The following AHI1 variants were observed in gnomAD, a reference collection of about 807,000 sequenced individuals.
AHI1 encodes Abelson helper integration site 1, also known as jouberin.
A neutral mutation model predicts 149.3 loss-of-function variants in AHI1; 123 were observed. The ratio of observed to expected loss-of-function variants is 0.82; its 90% confidence interval spans 0.71 to 0.96. The LOEUF is 0.96. Ranked by LOEUF, AHI1 falls within the 40% of genes least tolerant of loss-of-function variation. The pLI is 0.00. For synonymous variants in AHI1, 475 were observed against 459.8 expected (o/e 1.03, Z -0.42); for missense variants, 1,439 against 1,422.7 (o/e 1.01, Z -0.18).
chr6:135,454,666 A>G (rs1411412233), intron 10 of AHI1, among the ~76,000 whole-genome samples: 1 of 152,242 alleles, frequency 6.6e-6, no homozygotes, highest in African/African-American at 2.4e-5. Context: ...AACATATTAC[A>G]TTAAAACTTA....
intron 23 of AHI1, among the ~76,000 whole-genome samples, chr6:135,393,507 G>A (rs1375254929): frequency 2.0e-5 from 3 of 152,020 alleles, no homozygotes; most frequent in African/African-American, 7.2e-5. Flanking sequence ...GCCAAGCCAA[G>A]TATCTATTTA....
In AHI1 at chr6:135,453,307, G is replaced by A. The variant is rs769648730; in HGVS notation, c.1440+34C>T. ...AGCAGCCAACTAAATTTGAAGACTA[G>A]TTTTAAAGTGTTTAAAATGGATGAA... is the stretch of plus-strand genomic sequence containing the variant. On this transcript the variant is annotated intron_variant, in intron 11 of 28. Coordinates refer to ENST00000265602, the MANE Select transcript of AHI1 (RefSeq NM_001134831.2). 2.7e-6 allele frequency: 4 copies of A among 1,483,664 alleles called. No individual in the cohort carries two copies. In the South Asian group the frequency reaches 3.6e-5, roughly 14 times the overall value. The allele number at this position is 1,483,664 out of a possible 1,614,324, so 91.9% of individuals were successfully genotyped here.
intron 23 of AHI1, among the ~76,000 whole-genome samples, chr6:135,393,887 C>G (rs1778860231): frequency 6.6e-6 from 1 of 151,998 alleles, no homozygotes; most frequent in African/African-American, 2.4e-5. Flanking sequence ...ATAAAAGGCA[C>G]AGCCAGGGTT....
chr6:135,370,373 C>G (rs1476955231), intron 23 of AHI1, among the ~76,000 whole-genome samples: 4 of 152,214 alleles, frequency 2.6e-5, no homozygotes, highest in African/African-American at 9.7e-5. Flanking sequence ...TCCCAGTTTC[C>G]TGTCAGTGCT....
intron 8 of AHI1, among the ~76,000 whole-genome samples, chr6:135,460,348 C>A (rs78209071): frequency 2.0e-5 from 3 of 152,018 alleles, no homozygotes; most frequent in African/African-American, 7.3e-5. Context: ...CATCAAATCC[C>A]AGGAATAAAT....
chr6:135,454,422 T>C (rs995222407), intron 10 of AHI1, among the ~76,000 whole-genome samples: 1 of 152,182 alleles, frequency 6.6e-6, no homozygotes. Flanking sequence ...TTATAACTTA[T>C]TTAACCAAAT....
intron 23 of AHI1, among the ~76,000 whole-genome samples, chr6:135,381,539 T>C (rs1025542020): frequency 1.3e-5 from 2 of 152,194 alleles, no homozygotes; most frequent in African/African-American, 2.4e-5. Flanking sequence ...TTGTGACACA[T>C]GAGCCTTACA....
At chr6:135,414,782 C>A (rs2614292) in intron 20 of AHI1, among the ~76,000 whole-genome samples, 126,089 of 151,842 alleles carry the variant, frequency 0.83, 54,698 homozygotes, top group East Asian at 0.97. Context: ...AAAAGATTGG[C>A]CATTTCTTTT....
chr6:135,497,427 C>T (rs925305101), intron 1 of AHI1, among the ~76,000 whole-genome samples, 156 bp downstream of exon 1: 2 of 152,196 alleles, frequency 1.3e-5, no homozygotes, highest in African/African-American at 4.8e-5. Flanking sequence ...AAATCGCATT[C>T]CCCCGGGACA....
chr6:135,456,028 T>C (rs1344704000), intron 9 of AHI1, 102 bp from the exon 10 acceptor site: 1 of 728,406 alleles, frequency 1.4e-6, no homozygotes, highest in Admixed American at 3.9e-5. Flanking sequence ...TAATGAATAG[T>C]CATAATAATA....
At chr6:135,327,308 G>A (rs1024105270) in intron 24 of AHI1, among the ~76,000 whole-genome samples, 2 of 152,154 alleles carry the variant, frequency 1.3e-5, no homozygotes, top group African/African-American at 2.4e-5. Context: ...TTACAGAACC[G>A]TTTTCCACAC....
At chr6:135,430,356 A>C (rs1179383189) in intron 17 of AHI1, among the ~76,000 whole-genome samples, 1 of 151,910 alleles carries the variant, frequency 6.6e-6, no homozygotes, top group Non-Finnish European at 1.5e-5. Flanking sequence ...ATTTTTATAA[A>C]TTCAAAACCA....
chr6:135,382,606 T>C lies in AHI1; in HGVS notation c.3109+12170A>G, dbSNP rs112041746. Among the ~76,000 whole-genome samples the C allele has an allele frequency of 9.4e-3, 1,427 of 152,238 alleles. 20 individuals are homozygous for C. Among genetic ancestry groups the C allele is most frequent in the African/African-American group, 0.032 (1,325 of 41,530 alleles). ...GGAAACCTTAGGGCTATTCTGAGTA[T>C]AGTTTTAGCAGATTATGACCTAAGG... On this transcript the variant is annotated intron_variant, in intron 23 of 28. Transcript: ENST00000265602.
At chr6:135,327,875 C>T (rs7772681) in intron 24 of AHI1, among the ~76,000 whole-genome samples, 69,553 of 152,062 alleles carry the variant, frequency 0.46, 17,468 homozygotes, top group Middle Eastern at 0.61. Flanking sequence ...GTCAAAGAAG[C>T]TTCCCCTCCT....
chr6:135,364,012 G>C (rs1169068435), intron 23 of AHI1, among the ~76,000 whole-genome samples: 25 of 145,710 alleles, frequency 1.7e-4, no homozygotes, highest in African/African-American at 2.5e-4. Context: ...TCCCAGTAGG[G>C]GCGGCCGGGC....
chr6:135,293,070 C>T (rs1419073259), intron 27 of AHI1, among the ~76,000 whole-genome samples: 5 of 152,150 alleles, frequency 3.3e-5, no homozygotes, highest in Admixed American at 1.3e-4. Context: ...AGGTTTTATC[C>T]GAGGAACGCG....
chr6:135,423,745 C>T (rs934168372), intron 20 of AHI1, among the ~76,000 whole-genome samples: 1 of 152,110 alleles, frequency 6.6e-6, no homozygotes, highest in African/African-American at 2.4e-5. Context: ...GATACTATGA[C>T]TATGTGTCCT....
rs951741918 is a variant in AHI1 at position 135,283,970 on chromosome 6, A to T, written c.*1675T>A. ...ATCAGAAAATCAACACATATCTCAA[A>T]ATTATTAGCTGAAACTGCAGAGAAA... On this transcript the variant is annotated 3_prime_UTR_variant, in exon 29 of 29. Coordinates refer to ENST00000265602, the MANE Select transcript of AHI1 (RefSeq NM_001134831.2). 9.2e-5 allele frequency: 14 copies of T among 152,200 alleles called. No homozygotes were observed. The highest frequency in any genetic ancestry group is 3.1e-4 in the African/African-American group (13 of 41,440). The allele number at this position is 152,200 out of a possible 1,614,324, so 9.4% of individuals were successfully genotyped here.
At chr6:135,326,649 C>CT (rs1365891146) in intron 24 of AHI1, among the ~76,000 whole-genome samples, 2 of 152,046 alleles carry the variant, frequency 1.3e-5, no homozygotes, top group Non-Finnish European at 2.9e-5. Context: ...CAACCTCTGC[C>CT]TCCCGGGTTC....
Sources: allele counts gnomAD v4.1 joint callset (sites outside exome capture counted in the v4.1 genomes callset), GRCh38; gene constraint gnomAD v4.1.1; transcripts MANE v1.5; gene names NCBI Gene and HGNC (gene_info 2026-07-23, HGNC 2026-07-21).